Variants in ATF2 observed in about 807,000 individuals in gnomAD.
ATF2 encodes the protein cyclic AMP-dependent transcription factor ATF-2.
A neutral mutation model predicts 60.6 loss-of-function variants in ATF2; 24 were observed. The observed-to-expected ratio is 0.40, with a 90% confidence interval of 0.29 to 0.56. ATF2 has a LOEUF of 0.56. ATF2 is among the 20% of genes least tolerant of loss of function. ATF2 has a pLI of 0.54. For missense variants in ATF2, 433 were observed against 607.7 expected (o/e 0.71, Z 3.02); for synonymous variants, 206 against 215.4 (o/e 0.96, Z 0.38).
intron 13 of ATF2, among the ~76,000 whole-genome samples, chr2:175,075,345 A>T (rs1285873861): frequency 6.6e-6 from 1 of 152,160 alleles, no homozygotes; most frequent in Non-Finnish European, 1.5e-5. Context: ...GCAGCCATGG[A>T]TGATTATAAC....
rs775524817 is a variant in ATF2, at chr2:175,074,873, A to T, written c.1292-38T>A. The T allele has an allele frequency of 3.7e-5, 60 of 1,607,864 alleles. No individual in the cohort carries two copies. In the Admixed American group the frequency reaches 7.2e-4, roughly 19 times the overall value. On this transcript the variant is annotated intron_variant, in intron 13 of 13. Transcript: ENST00000264110. ...AAGAAAAATTATTCATTTTCCTAAA[A>T]TCGGTAAGAATGCACCAGTATGCTG...
At chr2:175,142,735 G>GTT (rs1698658585) in intron 2 of ATF2, among the ~76,000 whole-genome samples, 1 of 151,616 alleles carries the variant, frequency 6.6e-6, no homozygotes, top group African/African-American at 2.4e-5. Context: ...GTGTGTGTGT[G>GTT]TGTGTGTGTG....
At chr2:175,118,721 A>T (rs1302614474) in intron 5 of ATF2, among the ~76,000 whole-genome samples, 1 of 151,706 alleles carries the variant, frequency 6.6e-6, no homozygotes, top group Admixed American at 6.6e-5. Flanking sequence ...AAAAACTACA[A>T]TTATTTAAAT....
At chr2:175,133,659 C>G (rs1697912643) in intron 3 of ATF2, among the ~76,000 whole-genome samples, 2 of 151,964 alleles carry the variant, frequency 1.3e-5, no homozygotes, top group South Asian at 4.2e-4. Context: ...TAAAAAATGC[C>G]CCATGAATTC....
Position 175,136,394 on chromosome 2 carries a change from C to A in ATF2, c.32+18G>T. On this transcript the variant is annotated intron_variant, in intron 3 of 13. Coordinates refer to ENST00000264110, the MANE Select transcript of ATF2 (RefSeq NM_001880.4). The stretch of plus-strand genomic sequence containing the variant: ...AAATGTAAAAAATGGCTAAAAATAC[C>A]AAATATTGCACACATACCTGGCAGA... 6.2e-7 allele frequency: 1 copy of A among 1,605,198 alleles called. No individual in the cohort carries two copies. Among genetic ancestry groups the A allele is most frequent in the South Asian group, 1.1e-5 (1 of 89,170 alleles).
At chr2:175,076,757 T>A (rs1693337452) in intron 13 of ATF2, among the ~76,000 whole-genome samples, 1 of 151,922 alleles carries the variant, frequency 6.6e-6, no homozygotes, top group South Asian at 2.1e-4. Flanking sequence ...TTTTTTTTTT[T>A]AAGTATTTAT....
At chr2:175,077,619 C>T (rs145060318) in intron 13 of ATF2, among the ~76,000 whole-genome samples, 36 of 152,262 alleles carry the variant, frequency 2.4e-4, no homozygotes, top group Non-Finnish European at 4.1e-4. Context: ...AACGTAAATA[C>T]ATACTGGAGT....
chr2:175,148,645 C>T (rs895623753), intron 2 of ATF2, among the ~76,000 whole-genome samples: 2 of 152,086 alleles, frequency 1.3e-5, no homozygotes, highest in African/African-American at 2.4e-5. Flanking sequence ...ACACAGAGAC[C>T]GTAAGATTGA....
chr2:175,075,031 C>A, intron 13 of ATF2, 196 bp from the exon 14 acceptor site: 1 of 1,446,264 alleles, frequency 6.9e-7, no homozygotes, highest in Non-Finnish European at 9.1e-7. Context: ...CACAACCATG[C>A]ATATGGAAAC....
At chr2:175,101,007 A>G (rs972372729) in intron 10 of ATF2, among the ~76,000 whole-genome samples, 2 of 152,228 alleles carry the variant, frequency 1.3e-5, no homozygotes, top group African/African-American at 4.8e-5. Flanking sequence ...TTCAAGTGCT[A>G]TTTCTTTACA....
At chr2:175,114,513 T>G in intron 8 of ATF2, 177 bp downstream of exon 8, 1 of 1,310,566 alleles carries the variant, frequency 7.6e-7, no homozygotes, top group Non-Finnish European at 9.7e-7. Context: ...TATCTCCCAC[T>G]CTGTTAGTTA....
At chr2:175,126,649 T>C (rs779112568) in intron 4 of ATF2, 1 of 152,214 alleles carries the variant, frequency 6.6e-6, no homozygotes, top group Non-Finnish European at 1.5e-5. Context: ...TGTTTAATTG[T>C]AATGCTTTTA....
chr2:175,142,702 AGAGAGAGAGAGAGAGAGAGT>A (rs1232931664), intron 2 of ATF2, among the ~76,000 whole-genome samples: 2 of 119,482 alleles, frequency 1.7e-5, no homozygotes, highest in Non-Finnish European at 3.6e-5. Context: ...AGAGAGAGAG[AGAGAGAGAGAGAGAGAGAGT>A]GTGTGTGTGT....
At chr2:175,113,198 G>C (rs967436774) in intron 9 of ATF2, among the ~76,000 whole-genome samples, 15 of 151,740 alleles carry the variant, frequency 9.9e-5, no homozygotes, top group Non-Finnish European at 7.4e-5. Flanking sequence ...TGTAATGTAA[G>C]TAAGAAAAAA....
chr2:175,137,480 G>A (rs1698219078), intron 2 of ATF2, among the ~76,000 whole-genome samples: 1 of 152,156 alleles, frequency 6.6e-6, no homozygotes, highest in African/African-American at 2.4e-5. Flanking sequence ...ACAGCGCCTA[G>A]CTCAGTTTAG....
intron 10 of ATF2, among the ~76,000 whole-genome samples, chr2:175,108,981 G>C (rs60395441): frequency 0.044 from 6,631 of 151,964 alleles, 400 homozygotes; most frequent in African/African-American, 0.14. Context: ...CAGCATGCTC[G>C]TTAAGAGTCA....
At chr2:175,085,597 CAAAT>C (rs1250567804) in intron 12 of ATF2, among the ~76,000 whole-genome samples, 2 of 133,340 alleles carry the variant, frequency 1.5e-5, no homozygotes, top group Admixed American at 7.1e-5. Flanking sequence ...CACACACACA[CAAAT>C]TCTCTCTTTA....
intron 3 of ATF2, among the ~76,000 whole-genome samples, chr2:175,133,599 A>C (rs1372621664): frequency 6.6e-6 from 1 of 152,216 alleles, no homozygotes; most frequent in Non-Finnish European, 1.5e-5. Flanking sequence ...GCTTCATTTC[A>C]CAGGACTTTT....
chr2:175,161,597 G>A (rs1700031550), intron 1 of ATF2, among the ~76,000 whole-genome samples: 1 of 152,122 alleles, frequency 6.6e-6, no homozygotes, highest in African/African-American at 2.4e-5. Context: ...ACTTAACTAT[G>A]TGCCAGGGAC....
Sources: gnomAD v4.1 joint callset for allele counts (sites outside exome capture counted in the v4.1 genomes callset) on GRCh38, gnomAD v4.1.1 for gene constraint, MANE v1.5 for transcripts, NCBI Gene and HGNC (gene_info 2026-07-23, HGNC 2026-07-21) for gene names.